Variants in TGFBR1 observed in about 807,000 individuals in gnomAD.
The protein encoded by TGFBR1 is TGF-beta receptor type-1.
In TGFBR1, 20 loss-of-function variants were observed where a neutral mutation model predicts 55.1. The observed-to-expected ratio is 0.36, with a 90% CI of 0.26 to 0.53. The LOEUF (loss-of-function observed/expected upper bound fraction) is 0.53. TGFBR1 is among the 20% of genes least tolerant of loss of function. The pLI is 0.91. For synonymous variants in TGFBR1, 220 were observed against 214.8 expected, an observed-to-expected ratio of 1.02 and a Z score of -0.21; for missense variants, 385 against 617.6, an observed-to-expected ratio of 0.62 and a Z score of 3.99.
At position 99,139,015 on chromosome 9, in the gene TGFBR1, C is replaced by T. The variant is rs192429398; in HGVS notation, c.805+926C>T. ...GTTTCACCATGTTGGCCAGGTTGGC[C>T]TCCATCTCTTGACCTCGTGATCCAC... is the stretch of plus-strand genomic sequence containing the variant. On this transcript the variant is annotated intron_variant, in intron 4 of 8. Transcript: ENST00000374994. 3.8e-3 allele frequency among the ~76,000 whole-genome samples: 575 copies of T among 152,028 alleles called. 1 individual carries two copies. The highest frequency in any genetic ancestry group is 6.6e-3 in the Non-Finnish European group (446 of 67,986).
intron 1 of TGFBR1, among the ~76,000 whole-genome samples, chr9:99,125,573 A>G (rs1398184013): frequency 1.3e-5 from 2 of 152,158 alleles, no homozygotes; most frequent in East Asian, 1.9e-4. Context: ...GTATTGCCAT[A>G]TGGTCGATTC....
At chr9:99,123,549 A>C (rs1564141381) in intron 1 of TGFBR1, among the ~76,000 whole-genome samples, 1 of 152,076 alleles carries the variant, frequency 6.6e-6, no homozygotes, top group Admixed American at 6.5e-5. Flanking sequence ...CGTAGGTTTC[A>C]CTCGTGGGCT....
chr9:99,107,428 C>G, intron 1 of TGFBR1, among the ~76,000 whole-genome samples: 1 of 152,216 alleles, frequency 6.6e-6, no homozygotes, highest in Non-Finnish European at 1.5e-5. Context: ...TTTAGTACCA[C>G]TATGTCTATA....
chr9:99,124,207 A>C lies in TGFBR1; in HGVS notation c.98-4648A>C, dbSNP rs573473555. On this transcript the variant is annotated intron_variant, in intron 1 of 8. Coordinates refer to ENST00000374994, the MANE Select transcript of TGFBR1 (RefSeq NM_004612.4). ...TCTTCTACCGCAGCAGAGTAGAAAC[A>C]CTTTGATCATTCTTCTCAGGACTCA... Among the ~76,000 whole-genome samples the C allele has an allele frequency of 1.2e-4, 18 of 152,274 alleles. 2 individuals are homozygous for C. The South Asian group carries it at 3.7e-3, about 32-fold the overall frequency.
At chr9:99,105,523 C>G (rs1295950434) in intron 1 of TGFBR1, among the ~76,000 whole-genome samples, 1 of 150,564 alleles carries the variant, frequency 6.6e-6, no homozygotes, top group Non-Finnish European at 1.5e-5. Context: ...CGGGCGCGGG[C>G]GGACGTGTCC....
intron 5 of TGFBR1, among the ~76,000 whole-genome samples, chr9:99,144,346 AATACTGAGTACATTGCAGTT>A: frequency 6.6e-6 from 1 of 152,196 alleles, no homozygotes; most frequent in African/African-American, 2.4e-5. Context: ...TAATATACTT[AATACTGAGTACATTGCAGTT>A]GATAGGGAAG....
At position 99,146,494 on chromosome 9, in the gene TGFBR1, C is replaced by A. The variant is rs1407167849; in HGVS notation, c.1140C>A (p.Ala380=). The change falls in exon 7 of 9, where the codon GCC becomes GCA. Residue 380 remains alanine, a synonymous_variant. Transcript: ENST00000374994. ...NHRVGTKRYM[A]PEVLDDSINM... ...TGCAAATTTTTTTTAGGTACATGGC[C>A]CCTGAAGTTCTCGATGATTCCATAA... The A allele has an allele frequency of 1.2e-6, 2 of 1,613,626 alleles. No homozygotes were observed. Among genetic ancestry groups the A allele is most frequent in the Non-Finnish European group, 1.7e-6 (2 of 1,179,810 alleles).
intron 1 of TGFBR1, among the ~76,000 whole-genome samples, chr9:99,112,322 T>A (rs1470766870): frequency 6.6e-6 from 1 of 152,180 alleles, no homozygotes; most frequent in Non-Finnish European, 1.5e-5. Context: ...CTCACATACC[T>A]GCATGGCTTC....
At chr9:99,103,760 A>G (rs1468767002), upstream of TGFBR1, among the ~76,000 whole-genome samples, 4 of 152,146 alleles carry the variant, frequency 2.6e-5, 1 homozygote, top group South Asian at 8.3e-4. Context: ...CCTAGACAGG[A>G]GGGAGAAAGC....
At chr9:99,117,170 C>T (rs1162765384) in intron 1 of TGFBR1, among the ~76,000 whole-genome samples, 1 of 152,146 alleles carries the variant, frequency 6.6e-6, no homozygotes, top group East Asian at 1.9e-4. Context: ...TCACTGCAAC[C>T]TCTGCCTCCT....
intron 1 of TGFBR1, among the ~76,000 whole-genome samples, chr9:99,116,776 C>T (rs548045852): frequency 4.9e-4 from 75 of 152,234 alleles, no homozygotes; most frequent in African/African-American, 1.8e-3. Flanking sequence ...ATTTTGAGGT[C>T]TGAAAACTTT....
At chr9:99,147,835 G>C (rs1292301882) in intron 8 of TGFBR1, 51 bp downstream of exon 8, 1 of 1,606,650 alleles carries the variant, frequency 6.2e-7, no homozygotes, top group South Asian at 1.1e-5. Flanking sequence ...CTTCTGCTTA[G>C]TAAGCAAAAG....
Position 99,151,462 on chromosome 9 carries a change from CA to C in TGFBR1, c.*2158del. 4.4e-6 allele frequency: 1 copy of C among 226,276 alleles called. No homozygotes were observed. The highest frequency in any genetic ancestry group is 5.7e-5 in the Admixed American group (1 of 17,500). The allele number at this position is 226,276 out of a possible 1,614,324, so 14.0% of individuals were successfully genotyped here. Reference sequence around the variant, plus strand: ...CCTACCAGATCTGCTTTATGAAATCCAGGGGACCAATGCATTTTATCACTAA... The same window carrying C: ...CCTACCAGATCTGCTTTATGAAATCCGGGGACCAATGCATTTTATCACTAA... On this transcript the variant is annotated 3_prime_UTR_variant, in exon 9 of 9. Transcript: ENST00000374994.
intron 1 of TGFBR1, among the ~76,000 whole-genome samples, chr9:99,121,307 G>A (rs765244584): frequency 6.6e-6 from 1 of 152,186 alleles, no homozygotes; most frequent in Non-Finnish European, 1.5e-5. Context: ...GAAGAACTGA[G>A]TATTTTGAGG....
chr9:99,129,910 TAATA>T (rs910740155), intron 2 of TGFBR1, among the ~76,000 whole-genome samples: 26 of 151,984 alleles, frequency 1.7e-4, no homozygotes, highest in East Asian at 3.9e-4. Flanking sequence ...AAAAAAAAGA[TAATA>T]AATAAATAAA....
chr9:99,148,085 A>G (rs1827858915), intron 8 of TGFBR1, among the ~76,000 whole-genome samples: 1 of 152,186 alleles, frequency 6.6e-6, no homozygotes, highest in South Asian at 2.1e-4. Flanking sequence ...CCAGAACACT[A>G]GACAGTTACC....
Position 99,149,392 on chromosome 9 carries a change from G to A in TGFBR1, c.*87G>A. 6.4e-7 allele frequency: 1 copy of A among 1,557,842 alleles called. No individual in the cohort carries two copies. Among genetic ancestry groups the A allele is most frequent in the Non-Finnish European group, 8.8e-7 (1 of 1,131,090 alleles). On this transcript the variant is annotated 3_prime_UTR_variant, in exon 9 of 9. Transcript: ENST00000374994. Reference sequence around the variant, plus strand: ...GAGGTCAATTGTTCTACCTCACTGAGAGGGAACAGAAGGATATTGCTTCCT... The same window carrying A: ...GAGGTCAATTGTTCTACCTCACTGAAAGGGAACAGAAGGATATTGCTTCCT...
chr9:99,119,217 T>C (rs1826833901), intron 1 of TGFBR1, among the ~76,000 whole-genome samples: 1 of 152,232 alleles, frequency 6.6e-6, no homozygotes, highest in Non-Finnish European at 1.5e-5. Flanking sequence ...GGTATTGCTC[T>C]CCTCTGCCCC....
Position 99,105,145 on chromosome 9 carries a change from G to C in TGFBR1, c.-61G>C, listed in dbSNP as rs1743037941. On this transcript the variant is annotated 5_prime_UTR_variant, in exon 1 of 9. Coordinates refer to ENST00000374994, the MANE Select transcript of TGFBR1 (RefSeq NM_004612.4). ...AGGGAGGTGGGGCGAGGCGAGGTTT[G>C]CTGGGGTGAGGCAGCGGCGCGGCCG... The C allele has an allele frequency of 9.3e-7, 1 of 1,077,884 alleles. No individual in the cohort carries two copies. The highest frequency in any genetic ancestry group is 1.7e-5 in the African/African-American group (1 of 59,886). The allele number at this position is 1,077,884 out of a possible 1,614,324, so 66.8% of individuals were successfully genotyped here.
Sources: allele counts gnomAD v4.1 joint callset (sites outside exome capture counted in the v4.1 genomes callset), GRCh38; gene constraint gnomAD v4.1.1; transcripts MANE v1.5; gene names NCBI Gene and HGNC (gene_info 2026-07-23, HGNC 2026-07-21).